The following SEC23B variants were observed in gnomAD, a reference collection of about 807,000 sequenced individuals.
SEC23B encodes the protein protein transport protein Sec23B.
SEC23B carries 77 observed loss-of-function variants against 104.3 expected under a neutral mutation model. The ratio of observed to expected loss-of-function variants is 0.74; its 90% confidence interval spans 0.61 to 0.89. The LOEUF is 0.89. SEC23B is among the 40% of genes least tolerant of loss of function. The probability of loss-of-function intolerance (pLI) is 0.00; values close to 1 mark genes in which losing one functional copy is unlikely to be tolerated. For missense variants in SEC23B, 885 were observed against 949.4 expected, an observed-to-expected ratio of 0.93 and a Z score of 0.89; for synonymous variants, 338 against 332.5, an observed-to-expected ratio of 1.02 and a Z score of -0.18.
chr20:18,529,091 G>A (rs1433608718), intron 9 of SEC23B, among the ~76,000 whole-genome samples: 2 of 152,260 alleles, frequency 1.3e-5, no homozygotes, highest in Non-Finnish European at 2.9e-5. Flanking sequence ...AAGAAGAGCA[G>A]TGGTGGAGAG....
At chr20:18,533,695 G>T in intron 11 of SEC23B, among the ~76,000 whole-genome samples, 1 of 152,160 alleles carries the variant, frequency 6.6e-6, no homozygotes, top group East Asian at 1.9e-4. Flanking sequence ...TGTTGAGCTT[G>T]GCAGAGGCAA....
At chr20:18,528,842 G>A (rs2060157002) in intron 9 of SEC23B, among the ~76,000 whole-genome samples, 1 of 152,168 alleles carries the variant, frequency 6.6e-6, no homozygotes, top group Non-Finnish European at 1.5e-5. Flanking sequence ...AATTTTTTCT[G>A]TGAAGAGTTA....
At chr20:18,509,798 G>C (rs2059965668) in intron 1 of SEC23B, 1 of 152,230 alleles carries the variant, frequency 6.6e-6, no homozygotes, top group South Asian at 2.1e-4. Flanking sequence ...GTGTTGGCCA[G>C]GCTGGTCTTG....
At chr20:18,538,407 G>A (rs544979546) in intron 12 of SEC23B, among the ~76,000 whole-genome samples, 21 of 151,802 alleles carry the variant, frequency 1.4e-4, no homozygotes, top group East Asian at 1.2e-3. Flanking sequence ...CCGCCACCAC[G>A]CCCAGCTAAT....
At chr20:18,514,056 G>A (rs2060003763) in intron 3 of SEC23B, among the ~76,000 whole-genome samples, 1 of 152,218 alleles carries the variant, frequency 6.6e-6, no homozygotes, top group African/African-American at 2.4e-5. Flanking sequence ...CACATGGTAA[G>A]TGCCATATAA....
chr20:18,513,290 G>T (rs567044969), intron 3 of SEC23B, among the ~76,000 whole-genome samples: 1 of 151,974 alleles, frequency 6.6e-6, no homozygotes, highest in South Asian at 2.1e-4. Flanking sequence ...GGAGGTTGCA[G>T]TGAGCTGAGA....
chr20:18,559,706 A>G (rs1462247969), intron 19 of SEC23B, among the ~76,000 whole-genome samples: 1 of 152,170 alleles, frequency 6.6e-6, no homozygotes, highest in East Asian at 1.9e-4. Flanking sequence ...GTGCTCAATG[A>G]CAATTTGCCA....
chr20:18,553,446 T>C (rs1032906521), intron 17 of SEC23B, among the ~76,000 whole-genome samples: 3 of 150,642 alleles, frequency 2.0e-5, no homozygotes, highest in African/African-American at 7.5e-5. Flanking sequence ...CTCTCCATTG[T>C]CTTCTTGTTC....
intron 10 of SEC23B, among the ~76,000 whole-genome samples, chr20:18,531,242 G>C (rs1280104079): frequency 1.3e-5 from 2 of 152,196 alleles, no homozygotes; most frequent in African/African-American, 4.8e-5. Flanking sequence ...CAGCACTGTG[G>C]CCTGAGGACA....
At position 18,554,281 on chromosome 20, in the gene SEC23B, A is replaced by C. The variant is rs753327933; in HGVS notation, c.2039A>C (p.Tyr680Ser). 6.2e-7 allele frequency: 1 copy of C among 1,614,190 alleles called. No individual in the cohort carries two copies. The highest frequency in any genetic ancestry group is 8.5e-7 in the Non-Finnish European group (1 of 1,180,034). The change falls in exon 18 of 20, where the codon TAT (tyrosine) becomes TCT (serine). Residue 680 changes from tyrosine to serine, a missense_variant. Transcript: ENST00000650089. Reference sequence around the variant, plus strand: ...GCTGGCTACCAGGACATGCCCGAGTATGAAAACTTCAAGCACCTTCTGCAG... The same window carrying C: ...GCTGGCTACCAGGACATGCCCGAGTCTGAAAACTTCAAGCACCTTCTGCAG... Reference protein sequence around the residue: ...RKAGYQDMPEYENFKHLLQAP... With the variant: ...RKAGYQDMPESENFKHLLQAP...
intron 18 of SEC23B, among the ~76,000 whole-genome samples, chr20:18,554,654 C>A (rs1017264665): frequency 6.6e-6 from 1 of 151,868 alleles, no homozygotes; most frequent in African/African-American, 2.4e-5. Flanking sequence ...GGTGAAACCC[C>A]GTCTCTACTA....
At chr20:18,541,752 T>C (rs1424152440) in intron 12 of SEC23B, among the ~76,000 whole-genome samples, 1 of 152,174 alleles carries the variant, frequency 6.6e-6, no homozygotes, top group African/African-American at 2.4e-5. Flanking sequence ...ATAGCAGATA[T>C]ATAATAATAA....
At chr20:18,547,267 C>T (rs1021107788) in intron 15 of SEC23B, among the ~76,000 whole-genome samples, 1 of 152,112 alleles carries the variant, frequency 6.6e-6, no homozygotes, top group Non-Finnish European at 1.5e-5. Context: ...GCCTCAGTTT[C>T]CTCACCTGTA....
Position 18,560,452 on chromosome 20 carries a change from C to T in SEC23B, c.2215-199C>T, listed in dbSNP as rs186875333. Among the ~76,000 whole-genome samples, 48 of 151,956 alleles carry T rather than the reference C, an allele frequency of 3.2e-4. No homozygotes were observed. In the East Asian group the frequency reaches 8.9e-3, roughly 28 times the overall value. ...GCAGGCGGTGGTGGCCTGATCTCGG[C>T]ATACCAGGAAAGGATTTTGTGAGGA... On this transcript the variant is annotated intron_variant, in intron 19 of 19. Transcript: ENST00000650089.
intron 12 of SEC23B, among the ~76,000 whole-genome samples, chr20:18,540,360 G>A (rs1397368599): frequency 6.6e-6 from 1 of 152,216 alleles, no homozygotes; most frequent in African/African-American, 2.4e-5. Context: ...TCAGTGAGCA[G>A]TAATATTTTG....
At chr20:18,554,192 T>C (rs771185379) in intron 17 of SEC23B, 43 bp from the exon 18 acceptor site, 17 of 1,612,236 alleles carry the variant, frequency 1.1e-5, no homozygotes, top group Admixed American at 1.7e-5. Context: ...AAGGCTGTTA[T>C]TACAGTTTCC....
At chr20:18,544,965 G>A (rs1030816812) in intron 14 of SEC23B, among the ~76,000 whole-genome samples, 2 of 152,134 alleles carry the variant, frequency 1.3e-5, no homozygotes, top group Non-Finnish European at 2.9e-5. Context: ...AGATGGGAAA[G>A]GAGAGCAACT....
chr20:18,540,428 T>C (rs2060277253), intron 12 of SEC23B, among the ~76,000 whole-genome samples: 1 of 152,214 alleles, frequency 6.6e-6, no homozygotes, highest in African/African-American at 2.4e-5. Flanking sequence ...AAATATTTAG[T>C]AATTGCTGTA....
At chr20:18,519,499 A>G (rs768853254) in intron 4 of SEC23B, among the ~76,000 whole-genome samples, 1 of 152,224 alleles carries the variant, frequency 6.6e-6, no homozygotes, top group African/African-American at 2.4e-5. Context: ...TGGCCAGCCT[A>G]AAACAGTAAG....
Sources: allele counts gnomAD v4.1 joint callset (sites outside exome capture counted in the v4.1 genomes callset), GRCh38; gene constraint gnomAD v4.1.1; transcripts MANE v1.5; gene names NCBI Gene and HGNC (gene_info 2026-07-23, HGNC 2026-07-21).